USP30: variants seen among roughly 807,000 people sequenced by gnomAD.
USP30 encodes ubiquitin specific peptidase 30, also known as ubiquitin carboxyl-terminal hydrolase 30.
USP30 carries 41 observed loss-of-function variants against 68.2 expected under a neutral mutation model. The observed-to-expected ratio is 0.60, with a 90% CI of 0.47 to 0.78. The LOEUF is 0.78. Ranked by LOEUF, USP30 falls within the 30% of genes least tolerant of loss-of-function variation. USP30 has a pLI of 0.00. For synonymous variants in USP30, 229 were observed against 253.7 expected, an observed-to-expected ratio of 0.90 and a Z score of 0.93; for missense variants, 522 against 649.4, an observed-to-expected ratio of 0.80 and a Z score of 2.13.
At chr12:109,071,410 T>G (rs2135776311) in intron 4 of USP30, among the ~76,000 whole-genome samples, 1 of 152,358 alleles carries the variant, frequency 6.6e-6, no homozygotes, top group South Asian at 2.1e-4. Flanking sequence ...TCTCCTGCTC[T>G]CTGCTCCTGG....
rs763048810 is a variant in USP30, at chr12:109,057,918, T to A, written c.194-8T>A. 1.2e-6 allele frequency: 2 copies of A among 1,609,486 alleles called. No homozygotes were observed. Among genetic ancestry groups the A allele is most frequent in the Admixed American group, 1.7e-5 (1 of 58,564 alleles). ...ACTGTTCTCTTCTTCCCCCTGCTTT[T>A]TTTTTAGGGCTTGTGCCTGGCCTTG... On this transcript the variant is annotated splice_region_variant and splice_polypyrimidine_tract_variant and intron_variant, in intron 2 of 12. Transcript: ENST00000257548.
chr12:109,034,103 C>A (rs2040502054), intron 3 of USP30, among the ~76,000 whole-genome samples: 1 of 152,166 alleles, frequency 6.6e-6, no homozygotes, highest in African/African-American at 2.4e-5. Context: ...AAAAACAGCT[C>A]AACGTGTCTG....
At chr12:109,081,660 C>CACACACACACACACACACACACAG in intron 8 of USP30, 2 of 565,536 alleles carry the variant, frequency 3.5e-6, no homozygotes, top group South Asian at 4.3e-5. Context: ...CACACACACA[C>CACACACACACACACACACACACAG]ACAGACATTA....
At chr12:109,044,075 C>T (rs988610488) in intron 3 of USP30, among the ~76,000 whole-genome samples, 19 of 152,114 alleles carry the variant, frequency 1.2e-4, no homozygotes, top group African/African-American at 3.4e-4. Context: ...CATAAATGAA[C>T]CTTGAGGACA....
chr12:109,071,753 A>G (rs369664126), intron 5 of USP30, 43 bp downstream of exon 5: 40 of 1,555,150 alleles, frequency 2.6e-5, no homozygotes, highest in Non-Finnish European at 3.4e-5. Context: ...CAGCTTGTGC[A>G]TATTTAATAA....
intron 3 of USP30, among the ~76,000 whole-genome samples, chr12:109,036,246 G>A (rs2040518689): frequency 6.6e-6 from 1 of 151,558 alleles, no homozygotes; most frequent in South Asian, 2.1e-4. Flanking sequence ...ATGTGGGTTT[G>A]AATTACTGTT....
intron 1 of USP30, among the ~76,000 whole-genome samples, chr12:109,055,359 T>C (rs1220445742): frequency 6.4e-5 from 8 of 125,142 alleles, no homozygotes; most frequent in East Asian, 4.7e-4. Flanking sequence ...TATATATATA[T>C]ACACACACAC....
intron 12 of USP30, among the ~76,000 whole-genome samples, chr12:109,085,418 T>TA (rs927047088): frequency 6.6e-6 from 1 of 152,184 alleles, no homozygotes; most frequent in African/African-American, 2.4e-5. Context: ...CACACATACA[T>TA]ATAGTGTACA....
chr12:109,025,746 A>C (rs1270665192), intron 2 of USP30, among the ~76,000 whole-genome samples: 1 of 151,932 alleles, frequency 6.6e-6, no homozygotes, highest in Middle Eastern at 3.4e-3. Flanking sequence ...ATCACAGCTC[A>C]CTGCAGCCTG....
chr12:109,056,854 C>A, intron 2 of USP30, 63 bp downstream of exon 2: 1 of 1,226,306 alleles, frequency 8.2e-7, no homozygotes, highest in Non-Finnish European at 1.1e-6. Flanking sequence ...TATCTGAAAA[C>A]AGTACAAAGA....
In USP30 at chr12:109,057,893, A is replaced by G. The variant is rs1566087038; in HGVS notation, c.194-33A>G. ...GAGAGAAATTGATCAAATGTGATAT[A>G]CTGTTCTCTTCTTCCCCCTGCTTTT... On this transcript the variant is annotated intron_variant, in intron 2 of 12. Coordinates refer to ENST00000257548, the MANE Select transcript of USP30 (RefSeq NM_032663.5). 11 of 1,598,626 alleles carry G rather than the reference A, an allele frequency of 6.9e-6. No homozygotes were observed. In the East Asian group the frequency reaches 1.1e-4, roughly 16 times the overall value.
At chr12:109,047,779 G>A (rs2040618579), upstream of USP30, 1 of 152,204 alleles carries the variant, frequency 6.6e-6, no homozygotes, top group East Asian at 1.9e-4. Flanking sequence ...CTTGAGCCCA[G>A]GAGTTCGAGA....
chr12:109,086,756 G>T lies in USP30; in HGVS notation c.*825G>T, dbSNP rs1266490638. ...ACTTTTTCTTACACAAGGATCCACT[G>T]TGGACGGTTACTTTCATCTGTTTAT... On this transcript the variant is annotated 3_prime_UTR_variant, in exon 13 of 13. Transcript: ENST00000257548. 6.6e-6 allele frequency: 1 copy of T among 152,276 alleles called. No individual in the cohort carries two copies. The highest frequency in any genetic ancestry group is 1.5e-5 in the Non-Finnish European group (1 of 68,074). 9.4% of individuals were successfully genotyped at this position (152,276 alleles called of 1,614,324 possible). A position where few individuals can be genotyped will look rare whatever the true frequency, so the allele number is the denominator to read the frequency against.
chr12:109,024,644 G>A (rs1294536692), intron 1 of USP30, among the ~76,000 whole-genome samples: 3 of 150,466 alleles, frequency 2.0e-5, no homozygotes, highest in East Asian at 2.0e-4. Context: ...TCCCGAGACC[G>A]AGTCTCGCTC....
intron 3 of USP30, among the ~76,000 whole-genome samples, chr12:109,031,905 A>G (rs2040484599): frequency 6.6e-6 from 1 of 151,882 alleles, no homozygotes; most frequent in Admixed American, 6.6e-5. Context: ...GGAGTTCGAG[A>G]CCAGCCCTGA....
chr12:109,033,617 T>C (rs73413044), intron 3 of USP30, among the ~76,000 whole-genome samples: 4,403 of 152,136 alleles, frequency 0.029, 229 homozygotes, highest in African/African-American at 0.1. Context: ...AAATTTCACA[T>C]GATTTAAAGA....
chr12:109,076,377 T>C (rs2041604935), intron 7 of USP30, among the ~76,000 whole-genome samples: 1 of 151,104 alleles, frequency 6.6e-6, no homozygotes, highest in Non-Finnish European at 1.5e-5. Context: ...TAGAAATAGT[T>C]TTAGTTCTTC....
chr12:109,075,267 C>T (rs1413800223), intron 7 of USP30, among the ~76,000 whole-genome samples: 3 of 152,162 alleles, frequency 2.0e-5, no homozygotes, highest in Non-Finnish European at 4.4e-5. Context: ...TTTTGAGGAA[C>T]CTTCATACTG....
intron 3 of USP30, among the ~76,000 whole-genome samples, chr12:109,058,380 C>T (rs1290217581): frequency 6.6e-6 from 1 of 152,028 alleles, no homozygotes; most frequent in African/African-American, 2.4e-5. Context: ...ACCAGCCTGA[C>T]CAACATGGAG....
Sources: gnomAD v4.1 joint callset for allele counts (sites outside exome capture counted in the v4.1 genomes callset) on GRCh38, gnomAD v4.1.1 for gene constraint, MANE v1.5 for transcripts, NCBI Gene and HGNC (gene_info 2026-07-23, HGNC 2026-07-21) for gene names.